The following NTM variants were observed in gnomAD, a reference collection of about 807,000 sequenced individuals.
NTM encodes IgLON family member 2.
In NTM, 13 loss-of-function variants were observed where a neutral mutation model predicts 42.1. The observed-to-expected ratio is 0.31, with a 90% CI of 0.20 to 0.49. The LOEUF (loss-of-function observed/expected upper bound fraction) is 0.49. NTM is among the 20% of genes least tolerant of loss of function. The probability of loss-of-function intolerance (pLI) is 0.99; values close to 1 mark genes in which losing one functional copy is unlikely to be tolerated. For synonymous variants in NTM, 187 were observed against 179.2 expected, an observed-to-expected ratio of 1.04 and a Z score of -0.35; for missense variants, 373 against 452.8, an observed-to-expected ratio of 0.82 and a Z score of 1.60.
At chr11:131,800,823 A>G (rs925145101) in intron 1 of NTM, among the ~76,000 whole-genome samples, 2 of 152,154 alleles carry the variant, frequency 1.3e-5, no homozygotes, top group African/African-American at 4.8e-5. Flanking sequence ...ATCAAGCCCA[A>G]TTTAGGGGTG....
intron 2 of NTM, among the ~76,000 whole-genome samples, chr11:132,073,623 A>T (rs1361975844): frequency 6.6e-6 from 1 of 152,184 alleles, no homozygotes; most frequent in Non-Finnish European, 1.5e-5. Flanking sequence ...CCAAAACTCC[A>T]CTAGGAAACT....
At chr11:132,104,937 G>GTGTGTGTGTATGTATATATATA (rs1169190929) in intron 2 of NTM, among the ~76,000 whole-genome samples, 1 of 61,826 alleles carries the variant, frequency 1.6e-5, no homozygotes, top group African/African-American at 6.1e-5. Context: ...ATATACATAT[G>GTGTGTGTGTATGTATATATATA]TATATATATA....
At chr11:132,154,370 A>T (rs1312795813) in intron 3 of NTM, among the ~76,000 whole-genome samples, 1 of 152,206 alleles carries the variant, frequency 6.6e-6, no homozygotes, top group Non-Finnish European at 1.5e-5. Context: ...AATACATCCA[A>T]TCCCAACTGG....
intron 1 of NTM, among the ~76,000 whole-genome samples, chr11:131,643,538 A>ACTCT (rs138097203): frequency 6.8e-6 from 1 of 147,942 alleles, no homozygotes; most frequent in East Asian, 2.0e-4. Flanking sequence ...GCTCTACTCA[A>ACTCT]CTCTCTCTCT....
intron 1 of NTM, chr11:131,774,101 A>G (rs960167828): frequency 1.0e-6 from 1 of 985,122 alleles, no homozygotes; most frequent in African/African-American, 1.7e-5. Flanking sequence ...GAAACCTTCC[A>G]CCAAGCTTAC....
chr11:131,422,335 T>C (rs1451180999), intron 1 of NTM, among the ~76,000 whole-genome samples: 1 of 152,152 alleles, frequency 6.6e-6, no homozygotes, highest in East Asian at 1.9e-4. Flanking sequence ...AATGTGTATC[T>C]CCTCCCCACA....
intron 1 of NTM, among the ~76,000 whole-genome samples, chr11:131,846,872 TAA>T (rs931966044): frequency 1.3e-5 from 2 of 151,528 alleles, no homozygotes; most frequent in African/African-American, 4.9e-5. Context: ...AGGAAAAAAA[TAA>T]AAAGAGTGAG....
intron 1 of NTM, among the ~76,000 whole-genome samples, chr11:131,612,628 G>C (rs2061551069): frequency 6.6e-6 from 1 of 152,248 alleles, no homozygotes; most frequent in East Asian, 1.9e-4. Flanking sequence ...TGAAATTGCA[G>C]ACAGTTACAG....
chr11:132,157,827 T>C (rs2073520928), intron 3 of NTM, among the ~76,000 whole-genome samples: 1 of 152,202 alleles, frequency 6.6e-6, no homozygotes, highest in Non-Finnish European at 1.5e-5. Context: ...AATTGCATTC[T>C]TCTAGTGGCT....
intron 1 of NTM, among the ~76,000 whole-genome samples, chr11:131,420,108 G>A (rs999409895): frequency 2.0e-5 from 3 of 152,190 alleles, no homozygotes; most frequent in Non-Finnish European, 4.4e-5. Flanking sequence ...CCCTAAGGGT[G>A]TCTAGGCCCT....
In NTM at chr11:132,335,729, CTTTTT is replaced by C. The variant is rs111313978; in HGVS notation, c.*593_*597del. 2 of 144,986 alleles carry C rather than the reference CTTTTT, an allele frequency of 1.4e-5. No homozygotes were observed. Among genetic ancestry groups the C allele is most frequent in the East Asian group, 4.0e-4 (2 of 5,002 alleles). 9.0% of individuals were successfully genotyped at this position (144,986 alleles called of 1,614,324 possible). On this transcript the variant is annotated 3_prime_UTR_variant, in exon 9 of 9. Transcript: ENST00000683400. Reference sequence around the variant, plus strand: ...ACAAGTCACAAAAGATACCGTTAAACTTTTTTTTTTTTTTATCATTTTACTACATG... The same window carrying C: ...ACAAGTCACAAAAGATACCGTTAAACTTTTTTTTTATCATTTTACTACATG...
intron 1 of NTM, among the ~76,000 whole-genome samples, chr11:131,440,441 C>T (rs1949521625): frequency 1.3e-5 from 2 of 152,080 alleles, no homozygotes; most frequent in Admixed American, 1.3e-4. Context: ...TTCCAATCTG[C>T]TTAAGTTCCT....
At chr11:132,180,597 C>G (rs893457490) in intron 3 of NTM, among the ~76,000 whole-genome samples, 3 of 152,110 alleles carry the variant, frequency 2.0e-5, no homozygotes, top group Non-Finnish European at 4.4e-5. Context: ...AACCAACCAA[C>G]CAACCGAACA....
At chr11:131,799,250 A>C (rs1175504642) in intron 1 of NTM, among the ~76,000 whole-genome samples, 2 of 152,130 alleles carry the variant, frequency 1.3e-5, no homozygotes, top group African/African-American at 4.8e-5. Flanking sequence ...CCATCCTTAG[A>C]GTGTGTACTT....
At chr11:132,301,257 T>C (rs879530065) in intron 4 of NTM, among the ~76,000 whole-genome samples, 8 of 152,152 alleles carry the variant, frequency 5.3e-5, no homozygotes, top group Admixed American at 1.3e-4. Context: ...CATCAGATCT[T>C]GTGAGAACTA....
intron 1 of NTM, among the ~76,000 whole-genome samples, chr11:131,487,471 C>T (rs996884101): frequency 6.6e-5 from 10 of 152,156 alleles, no homozygotes; most frequent in Admixed American, 1.3e-4. Context: ...TTATAAACCC[C>T]CAATTGAAAT....
At chr11:132,160,517 T>G (rs2074053627) in intron 3 of NTM, among the ~76,000 whole-genome samples, 1 of 152,166 alleles carries the variant, frequency 6.6e-6, no homozygotes, top group Admixed American at 6.5e-5. Context: ...CCATCAAATA[T>G]TCCATGAACA....
intron 1 of NTM, among the ~76,000 whole-genome samples, chr11:131,503,957 G>T (rs1591853581): frequency 6.6e-6 from 1 of 152,170 alleles, no homozygotes; most frequent in Admixed American, 6.5e-5. Flanking sequence ...CTTTGTTAGG[G>T]TCATTAGTGC....
At chr11:131,472,875 C>G (rs186953483) in intron 1 of NTM, among the ~76,000 whole-genome samples, 5 of 152,100 alleles carry the variant, frequency 3.3e-5, no homozygotes, top group Non-Finnish European at 7.3e-5. Flanking sequence ...CCACTACCCC[C>G]CAGAGATTGA....
Sources: gnomAD v4.1 joint callset for allele counts (sites outside exome capture counted in the v4.1 genomes callset) on GRCh38, gnomAD v4.1.1 for gene constraint, MANE v1.5 for transcripts, NCBI Gene and HGNC (gene_info 2026-07-23, HGNC 2026-07-21) for gene names.